TUBB3: variants seen among roughly 807,000 people sequenced by gnomAD.
TUBB3 encodes the protein tubulin beta 3 class III.
Under a neutral mutation model 37.8 loss-of-function variants are expected in TUBB3, and 17 were observed. The observed-to-expected ratio is 0.45, with a 90% CI of 0.31 to 0.67. TUBB3 has a LOEUF of 0.67. Ranked by LOEUF, TUBB3 falls within the 30% of genes least tolerant of loss-of-function variation. TUBB3 has a pLI of 0.07. For missense variants in TUBB3, 262 were observed against 657.9 expected, an observed-to-expected ratio of 0.40 and a Z score of 6.58; for synonymous variants, 332 against 278.9, an observed-to-expected ratio of 1.19 and a Z score of -1.90.
Position 89,935,678 on chromosome 16 carries a change from C to T in TUBB3, c.1227C>T (p.Thr409=), listed in dbSNP as rs758588994. The T allele has an allele frequency of 1.4e-5, 23 of 1,613,698 alleles. No individual in the cohort carries two copies. The highest frequency in any genetic ancestry group is 8.3e-5 in the Admixed American group (5 of 59,996). ...TGEGMDEMEF[T]EAESNMNDLV... is the part of the protein sequence containing the mutation. The stretch of plus-strand genomic sequence containing the variant: ...AGGGCATGGACGAGATGGAGTTCAC[C>T]GAGGCCGAGAGCAACATGAACGACC... The change falls in exon 4 of 4, where the codon ACC becomes ACT. Residue 409 remains threonine (T), a synonymous_variant. Coordinates refer to ENST00000315491, the MANE Select transcript of TUBB3 (RefSeq NM_006086.4).
chr16:89,923,562 C>T (rs2029962947), intron 1 of TUBB3, 104 bp downstream of exon 1: 5 of 1,134,338 alleles, frequency 4.4e-6, no homozygotes, highest in East Asian at 3.6e-5. Context: ...TGCGAACCTG[C>T]AACAAAGGGA....
In TUBB3 at chr16:89,936,068, T is replaced by G; in HGVS notation, c.*264T>G. 1 of 573,046 alleles carries G rather than the reference T, an allele frequency of 1.7e-6. No individual in the cohort carries two copies. The highest frequency in any genetic ancestry group is 3.1e-6 in the Non-Finnish European group (1 of 321,646). 35.5% of individuals were successfully genotyped at this position (573,046 alleles called of 1,614,324 possible). A position where few individuals can be genotyped will look rare whatever the true frequency, so the allele number is the denominator to read the frequency against. On this transcript the variant is annotated 3_prime_UTR_variant, in exon 4 of 4. Coordinates refer to ENST00000315491, the MANE Select transcript of TUBB3 (RefSeq NM_006086.4). ...TTTGTGTTTATATTTTCGGGGATACTTAATAAATCTATTGCTGTCAGATAC... is the reference window on the plus strand; with the variant it reads ...TTTGTGTTTATATTTTCGGGGATACGTAATAAATCTATTGCTGTCAGATAC...
At chr16:89,933,056 G>A (rs2030329746) in intron 2 of TUBB3, 3 of 468,374 alleles carry the variant, frequency 6.4e-6, no homozygotes, top group South Asian at 5.9e-5. Context: ...ATATCAAAGT[G>A]GTGATACACC....
At chr16:89,931,902 C>T (rs1216530914) in intron 1 of TUBB3, 14 of 382,244 alleles carry the variant, frequency 3.7e-5, no homozygotes, top group Admixed American at 2.3e-4. Context: ...GGAGCTGAGA[C>T]GATGCCAGCC....
intron 1 of TUBB3, among the ~76,000 whole-genome samples, chr16:89,930,050 TC>T (rs1254117295): frequency 6.3e-5 from 8 of 127,620 alleles, no homozygotes; most frequent in Non-Finnish European, 1.0e-4. Flanking sequence ...CTTCCTTCCT[TC>T]CTTCCTTCCT....
rs777536677 is a variant in TUBB3 at position 89,923,357 on chromosome 16, G to GGCCCGCCCGC, written c.-39_-30dup. 1.4e-6 allele frequency: 2 copies of GGCCCGCCCGC among 1,432,122 alleles called. No homozygotes were observed. Among genetic ancestry groups the GGCCCGCCCGC allele is most frequent in the Non-Finnish European group, 1.8e-6 (2 of 1,086,182 alleles). 88.7% of individuals were successfully genotyped at this position (1,432,122 alleles called of 1,614,324 possible). On this transcript the variant is annotated 5_prime_UTR_variant, in exon 1 of 4. Coordinates refer to ENST00000315491, the MANE Select transcript of TUBB3 (RefSeq NM_006086.4). ...GTCCCCGACCCTCAGCAGCCAGCCC[G>GGCCCGCCCGC]GCCCGCCCGCGCCCGTCCGCAGCCG...
chr16:89,931,832 C>T (rs1441342263), intron 1 of TUBB3: 1 of 413,280 alleles, frequency 2.4e-6, no homozygotes, highest in Admixed American at 2.6e-5. Context: ...AGAAGCACTG[C>T]AGGCACCTGC....
chr16:89,931,313 A>G (rs2030270499), intron 1 of TUBB3, among the ~76,000 whole-genome samples: 1 of 152,112 alleles, frequency 6.6e-6, no homozygotes, highest in African/African-American at 2.4e-5. Context: ...GCAGCACATG[A>G]CTCACATGTA....
rs2030446517 is a variant in TUBB3, at chr16:89,936,024, CG to C, written c.*222del. 3.2e-6 allele frequency: 2 copies of C among 625,958 alleles called. No individual in the cohort carries two copies. The highest frequency in any genetic ancestry group is 3.7e-5 in the African/African-American group (2 of 54,318). 38.8% of individuals were successfully genotyped at this position (625,958 alleles called of 1,614,324 possible). On this transcript the variant is annotated 3_prime_UTR_variant, in exon 4 of 4. Transcript: ENST00000315491. ...TTGCAGCTCCAGGCCTGACGTTTTA[CG>C]GTTTTGTTTTTTACTGGTTTGTGTT...
upstream of TUBB3, chr16:89,922,470 A>T (rs1385143450): frequency 6.6e-6 from 1 of 152,476 alleles, no homozygotes. Flanking sequence ...CAGTAAACGC[A>T]TCTCCAGTCG....
At chr16:89,923,201 C>T (rs1032210831), upstream of TUBB3, 72 of 217,012 alleles carry the variant, frequency 3.3e-4, no homozygotes, top group African/African-American at 1.5e-3. Context: ...TTGCGCGCGG[C>T]GGGCGGGGAC....
At chr16:89,930,937 C>T (rs2030258553) in intron 1 of TUBB3, among the ~76,000 whole-genome samples, 1 of 152,020 alleles carries the variant, frequency 6.6e-6, no homozygotes, top group Non-Finnish European at 1.5e-5. Context: ...AAGTGATTCT[C>T]CTGCTTCAGC....
At chr16:89,933,827 G>T (rs984826802) in intron 3 of TUBB3, 40 of 699,554 alleles carry the variant, frequency 5.7e-5, no homozygotes, top group Admixed American at 4.8e-4. Flanking sequence ...TTACAGAATT[G>T]CTAGAGAGCT....
chr16:89,926,318 G>A (rs1051193588), intron 1 of TUBB3, among the ~76,000 whole-genome samples: 2 of 152,214 alleles, frequency 1.3e-5, no homozygotes, highest in Non-Finnish European at 2.9e-5. Flanking sequence ...TCCCTGGCTC[G>A]CCCCGCCCTC....
At chr16:89,934,609 A>T in intron 3 of TUBB3, 120 bp from the exon 4 acceptor site, 1 of 1,006,578 alleles carries the variant, frequency 9.9e-7, no homozygotes, top group Non-Finnish European at 1.5e-6. Flanking sequence ...GGCCTACTTT[A>T]CAGAAGACAG....
chr16:89,933,267 C>A, intron 2 of TUBB3: 1 of 708,568 alleles, frequency 1.4e-6, no homozygotes, highest in Non-Finnish European at 2.6e-6. Flanking sequence ...TCCGTCCTGT[C>A]CTGCTCCGTC....
At position 89,931,562 on chromosome 16, in the gene TUBB3, G is replaced by A. The variant is rs114566768; in HGVS notation, c.58-1009G>A. On this transcript the variant is annotated intron_variant, in intron 1 of 3. Transcript: ENST00000315491. ...GGGCTTGCTCTCACCCAGGGGTGTG[G>A]TTCTCCGTGTGCACACAGATAGATA... The A allele has an allele frequency of 0.011, 1,714 of 152,826 alleles. 45 individuals carry two copies. The South Asian group carries it at 0.11, about 10-fold the overall frequency. 9.5% of individuals were successfully genotyped at this position (152,826 alleles called of 1,614,324 possible). A position where few individuals can be genotyped will look rare whatever the true frequency, so the allele number is the denominator to read the frequency against.
chr16:89,932,317 G>C (rs1207986422), intron 1 of TUBB3, among the ~76,000 whole-genome samples: 1 of 152,260 alleles, frequency 6.6e-6, no homozygotes. Flanking sequence ...CTGGGGACCT[G>C]GGTGTGGGTC....
intron 3 of TUBB3, 159 bp from the exon 4 acceptor site, chr16:89,934,570 C>T (rs888975578): frequency 2.0e-5 from 15 of 740,752 alleles, no homozygotes; most frequent in East Asian, 1.1e-4. Context: ...AGGGAAGCCA[C>T]GGCGGGTATG....
Sources: gnomAD v4.1 joint callset for allele counts (sites outside exome capture counted in the v4.1 genomes callset) on GRCh38, gnomAD v4.1.1 for gene constraint, MANE v1.5 for transcripts, NCBI Gene and HGNC (gene_info 2026-07-23, HGNC 2026-07-21) for gene names.